Variants in IFT70A observed in about 807,000 individuals in gnomAD.
IFT70A encodes intraflagellar transport 70A.
the IFT70A span, chr2:177,617,804 C>T: frequency 6.2e-7 from 1 of 1,614,106 alleles, no homozygotes; most frequent in Non-Finnish European, 8.5e-7. Flanking sequence ...GTAGGCCTGG[C>T]ATCCATGTTC....
chr2:177,618,450 G>C, the IFT70A span: 1 of 1,601,182 alleles, frequency 6.2e-7, no homozygotes. Context: ...CCTGGGCCTG[G>C]TACAGGCGGT....
At chr2:177,616,674 C>A in the IFT70A span, 1 of 1,463,206 alleles carries the variant, frequency 6.8e-7, no homozygotes, top group Non-Finnish European at 9.0e-7. Context: ...GTAAGAAAGC[C>A]ATTTTGAAAA....
At chr2:177,613,409 T>C in the IFT70A span, 17 of 152,354 alleles carry the variant, frequency 1.1e-4, 1 homozygote, top group East Asian at 3.3e-3. Flanking sequence ...GGTGTGACCA[T>C]CTCTTCCTAT....
At chr2:177,617,488 T>C in the IFT70A span, 1 of 1,614,164 alleles carries the variant, frequency 6.2e-7, no homozygotes, top group Non-Finnish European at 8.5e-7. Flanking sequence ...AGCTTCATCA[T>C]CTCTGTTGTG....
chr2:177,613,871 G>A, the IFT70A span: 3 of 152,218 alleles, frequency 2.0e-5, no homozygotes, highest in Admixed American at 2.0e-4. Flanking sequence ...TTTTGAACAA[G>A]GATTTGGGCC....
At chr2:177,618,260 T>C in the IFT70A span, 113 of 1,614,088 alleles carry the variant, frequency 7.0e-5, no homozygotes, top group Non-Finnish European at 4.2e-6. Context: ...TCGCCTCCAC[T>C]TTCTTCTCCC....
the IFT70A span, chr2:177,618,322 C>A: frequency 6.2e-7 from 1 of 1,613,976 alleles, no homozygotes; most frequent in South Asian, 1.1e-5. Context: ...TGGCAGATCG[C>A]CCTCGCTATA....
the IFT70A span, chr2:177,613,709 T>G: frequency 6.6e-6 from 1 of 152,164 alleles, no homozygotes; most frequent in Non-Finnish European, 1.5e-5. Context: ...ATGAAATAAT[T>G]GAAAATAAAA....
At chr2:177,617,833 A>G in the IFT70A span, 1 of 1,614,208 alleles carries the variant, frequency 6.2e-7, no homozygotes, top group Non-Finnish European at 8.5e-7. Flanking sequence ...CTGGTTGTGC[A>G]GGGTCACAGG....
chr2:177,613,727 A>G, the IFT70A span: 2 of 152,344 alleles, frequency 1.3e-5, no homozygotes, highest in Non-Finnish European at 2.9e-5. Context: ...AAATATTAGC[A>G]GCAATAAATG....
At chr2:177,617,349 C>T in the IFT70A span, 2 of 1,595,854 alleles carry the variant, frequency 1.3e-6, no homozygotes, top group Admixed American at 1.7e-5. Flanking sequence ...TACAGAATTC[C>T]ACAGATTTGC....
chr2:177,618,150 C>A, the IFT70A span: 1 of 1,614,190 alleles, frequency 6.2e-7, no homozygotes, highest in Non-Finnish European at 8.5e-7. Flanking sequence ...GCTGGTAGCC[C>A]GAGGCCTGCA....
At chr2:177,616,717 C>T in the IFT70A span, 1 of 1,528,244 alleles carries the variant, frequency 6.5e-7, no homozygotes, top group Middle Eastern at 1.8e-4. Flanking sequence ...CTTATTCCAT[C>T]CTATAATCTC....
chr2:177,616,576 A>G, the IFT70A span: 1 of 896,486 alleles, frequency 1.1e-6, no homozygotes, highest in Non-Finnish European at 1.6e-6. Flanking sequence ...GCTCAAACAT[A>G]AACTTGTTCT....
At chr2:177,618,636 G>T in the IFT70A span, 1 of 1,610,000 alleles carries the variant, frequency 6.2e-7, no homozygotes, top group Non-Finnish European at 8.5e-7. Flanking sequence ...GGGCATCGCG[G>T]ATGAGCCGGT....
At chr2:177,616,751 T>G in the IFT70A span, 3 of 1,559,122 alleles carry the variant, frequency 1.9e-6, no homozygotes, top group Non-Finnish European at 1.7e-6. Flanking sequence ...TTCAATTGTC[T>G]GGACTCATCT....
chr2:177,614,827 A>C, the IFT70A span: 3 of 152,312 alleles, frequency 2.0e-5, no homozygotes, highest in East Asian at 5.8e-4. Flanking sequence ...CTATCTCTCA[A>C]GTAGACCCTT....
the IFT70A span, chr2:177,615,422 T>A: frequency 6.6e-6 from 1 of 152,290 alleles, no homozygotes; most frequent in South Asian, 2.1e-4. Context: ...TAAATACTTA[T>A]AAAATTATTA....
the IFT70A span, chr2:177,614,397 T>C: frequency 2.6e-5 from 4 of 152,272 alleles, no homozygotes; most frequent in East Asian, 7.7e-4. Context: ...TCTACTGAGT[T>C]CAAAAAGTTT....
Sources: allele counts gnomAD v4.1 joint callset, GRCh38; gene constraint gnomAD v4.1.1; transcripts MANE v1.5; gene names NCBI Gene and HGNC (gene_info 2026-07-23, HGNC 2026-07-21).